ADRA1B: variants seen among roughly 807,000 people sequenced by gnomAD.
The protein encoded by ADRA1B is alpha-1B adrenergic receptor.
Under a neutral mutation model 17.9 loss-of-function variants are expected in ADRA1B, and 17 were observed. The observed-to-expected ratio is 0.95, with a 90% confidence interval of 0.65 to 1.42. The LOEUF (loss-of-function observed/expected upper bound fraction) is 1.42, where lower values mean the gene tolerates loss of function less well. ADRA1B is among the 40% of genes most tolerant of loss of function. The probability of loss-of-function intolerance (pLI) is 0.00; values close to 1 mark genes in which losing one functional copy is unlikely to be tolerated. For missense variants in ADRA1B, 681 were observed against 722.1 expected, an observed-to-expected ratio of 0.94 and a Z score of 0.65; for synonymous variants, 366 against 327.6, an observed-to-expected ratio of 1.12 and a Z score of -1.27.
intron 1 of ADRA1B, among the ~76,000 whole-genome samples, chr5:159,934,197 G>C (rs895558928): frequency 6.6e-6 from 1 of 152,182 alleles, no homozygotes; most frequent in Non-Finnish European, 1.5e-5. Flanking sequence ...TTGAACTACT[G>C]ATCTAGAGGG....
intron 1 of ADRA1B, among the ~76,000 whole-genome samples, chr5:159,939,711 C>A (rs1755073214): frequency 6.6e-6 from 1 of 152,188 alleles, no homozygotes; most frequent in South Asian, 2.1e-4. Context: ...GGCAGGCAAT[C>A]ACACGTGGCC....
chr5:159,868,912 G>A (rs1753699936), intron 1 of ADRA1B: 1 of 152,170 alleles, frequency 6.6e-6, no homozygotes, highest in African/African-American at 2.4e-5. Flanking sequence ...ATAGTTTCCA[G>A]AAATTATCAG....
intron 1 of ADRA1B, among the ~76,000 whole-genome samples, chr5:159,926,311 A>G (rs1008119118): frequency 1.6e-4 from 24 of 152,012 alleles, no homozygotes; most frequent in African/African-American, 5.8e-4. Flanking sequence ...TTTCCCCATC[A>G]GTAATCACTC....
intron 1 of ADRA1B, among the ~76,000 whole-genome samples, chr5:159,866,663 A>C (rs548001905): frequency 3.3e-5 from 5 of 152,150 alleles, no homozygotes; most frequent in Admixed American, 1.3e-4. Flanking sequence ...GGACAAACAC[A>C]TAAAAACCAT....
intron 1 of ADRA1B, among the ~76,000 whole-genome samples, chr5:159,894,280 GA>G (rs764339551): frequency 6.6e-6 from 1 of 152,208 alleles, no homozygotes; most frequent in East Asian, 1.9e-4. Flanking sequence ...TGCTGGTTGG[GA>G]AAACAAACAA....
At chr5:159,936,600 C>G (rs1183956555) in intron 1 of ADRA1B, among the ~76,000 whole-genome samples, 1 of 152,060 alleles carries the variant, frequency 6.6e-6, no homozygotes, top group African/African-American at 2.4e-5. Context: ...TCTTTGCTCT[C>G]CGTGAAAAAC....
intron 1 of ADRA1B, among the ~76,000 whole-genome samples, chr5:159,960,708 T>TA (rs71579107): frequency 0.13 from 15,164 of 118,828 alleles, 929 homozygotes; most frequent in African/African-American, 0.17. Context: ...CCCCAGCTCT[T>TA]AAAAAAAAAA....
chr5:159,933,320 G>C (rs1227823506), intron 1 of ADRA1B, among the ~76,000 whole-genome samples: 1 of 152,108 alleles, frequency 6.6e-6, no homozygotes, highest in African/African-American at 2.4e-5. Flanking sequence ...ATTTCACTGG[G>C]ATAAAGTCCA....
the ADRA1B span, among the ~76,000 whole-genome samples, chr5:159,979,722 G>A: frequency 6.6e-6 from 1 of 152,076 alleles, no homozygotes. Context: ...ACAAAAATCA[G>A]CTAGGCGTGG....
At chr5:159,931,232 TA>T (rs1303132468) in intron 1 of ADRA1B, among the ~76,000 whole-genome samples, 1 of 149,618 alleles carries the variant, frequency 6.7e-6, no homozygotes, top group Non-Finnish European at 1.5e-5. Flanking sequence ...TCTCTACAAA[TA>T]AAAAATAAAA....
Position 159,865,370 on chromosome 5 carries a change from GA to G in ADRA1B, c.-256+174del, listed in dbSNP as rs879711820. On this transcript the variant is annotated intron_variant, in intron 1 of 2. Transcript: ENST00000641205. ...CATAAATCATTCATGGTGCTTTGGG[GA>G]AAAAAAAAACAACACTGTGCAAAGC... Among the ~76,000 whole-genome samples the G allele has an allele frequency of 1.6e-3, 240 of 146,640 alleles. 3 individuals carry two copies. The highest frequency in any genetic ancestry group is 1.2e-3 in the Admixed American group (17 of 14,730).
At chr5:159,948,645 C>A (rs759149452) in intron 1 of ADRA1B, 3 of 192,966 alleles carry the variant, frequency 1.6e-5, no homozygotes, top group Non-Finnish European at 2.9e-5. Context: ...ATCAAATGTA[C>A]TATTTTGTAA....
the ADRA1B span, among the ~76,000 whole-genome samples, chr5:159,987,390 T>G: frequency 6.6e-6 from 1 of 152,230 alleles, no homozygotes; most frequent in Non-Finnish European, 1.5e-5. Context: ...TCCTGGGGCC[T>G]TTCCTCGCCG....
chr5:159,978,561 T>C, the ADRA1B span, among the ~76,000 whole-genome samples: 1 of 152,220 alleles, frequency 6.6e-6, no homozygotes, highest in African/African-American at 2.4e-5. Flanking sequence ...CTGTCTATTA[T>C]CTGTACTAAG....
rs899201517 is a variant in ADRA1B, at chr5:159,972,186, G to A, written c.1257G>A (p.Arg419=). The A allele has an allele frequency of 4.6e-5, 63 of 1,362,096 alleles. No individual in the cohort carries two copies. The highest frequency in any genetic ancestry group is 1.7e-4 in the African/African-American group (11 of 65,936). 84.4% of individuals were successfully genotyped at this position (1,362,096 alleles called of 1,614,324 possible). ...GCAGCTGCCTGAGCGGCAGCCAGCG[G>A]ACCCTGCCCTCGGCCTCGCCGAGCC... The part of the protein sequence containing the change: ...DSGSCLSGSQ[R]TLPSASPSPG... The change falls in exon 2 of 2, where the codon CGG becomes CGA. Residue 419 remains arginine, a synonymous_variant. Transcript: ENST00000306675.
Position 159,917,063 on chromosome 5 carries a change from G to A in ADRA1B, c.158G>A (p.Gly53Asp), listed in dbSNP as rs760292200. The A allele has an allele frequency of 6.2e-7, 1 of 1,614,198 alleles. No individual in the cohort carries two copies. Residue 53 changes from glycine (G) to aspartate (D), a missense_variant, in exon 1 of 2, where the codon GGC becomes GAC. Gly to Asp is a moderately conservative substitution (Grantham distance 94). Coordinates refer to ENST00000306675, the MANE Select transcript of ADRA1B (RefSeq NM_000679.4). ...GCCATCTCTGTGGGCCTGGTGCTGG[G>A]CGCCTTCATCCTCTTTGCCATCGTG... ...TRAISVGLVL[G>D]AFILFAIVGN...
intron 1 of ADRA1B, among the ~76,000 whole-genome samples, chr5:159,887,126 CAT>C (rs1370362524): frequency 6.6e-6 from 1 of 152,198 alleles, no homozygotes; most frequent in Non-Finnish European, 1.5e-5. Flanking sequence ...AATTTTGCCA[CAT>C]GTTACCATGT....
intron 1 of ADRA1B, among the ~76,000 whole-genome samples, chr5:159,889,421 C>T (rs1372595251): frequency 6.6e-6 from 1 of 152,156 alleles, no homozygotes; most frequent in East Asian, 1.9e-4. Flanking sequence ...TTTTTCTGTC[C>T]TGTACTTGAA....
At chr5:159,907,655 C>A (rs1262590487) in intron 1 of ADRA1B, among the ~76,000 whole-genome samples, 1 of 152,188 alleles carries the variant, frequency 6.6e-6, no homozygotes, top group East Asian at 1.9e-4. Context: ...TCCATAATAA[C>A]TAACATTTAT....
Sources: allele counts gnomAD v4.1 joint callset (sites outside exome capture counted in the v4.1 genomes callset), GRCh38; gene constraint gnomAD v4.1.1; transcripts MANE v1.5; gene names NCBI Gene and HGNC (gene_info 2026-07-23, HGNC 2026-07-21).